The following MTCL3 variants were observed in gnomAD, a reference collection of about 807,000 sequenced individuals.
MTCL3 encodes the protein microtubule cross-linking factor 3.
At chr6:127,487,416 T>C in the MTCL3 span, among the ~76,000 whole-genome samples, 1 of 152,070 alleles carries the variant, frequency 6.6e-6, no homozygotes, top group Admixed American at 6.6e-5. Flanking sequence ...CTTAAATCAA[T>C]CTGTAAATAC....
the MTCL3 span, chr6:127,476,133 G>T: frequency 3.7e-6 from 6 of 1,614,168 alleles, no homozygotes; most frequent in Non-Finnish European, 5.1e-6. The surrounding 1 kb of genome is among the most constrained non-coding windows in gnomAD (Gnocchi z 4.4). Flanking sequence ...TGAGCGGGTT[G>T]GCCGAGCCGT....
chr6:127,475,754 C>A, the MTCL3 span: 2 of 1,603,036 alleles, frequency 1.2e-6, no homozygotes, highest in Non-Finnish European at 1.7e-6. This position sits in a 1 kb window ranked among gnomAD's most constrained non-coding sequence, Gnocchi z 7.3. Context: ...TCCTTCTTGC[C>A]CGCGTCGCTC....
chr6:127,514,885 G>C, the MTCL3 span: 4 of 1,614,130 alleles, frequency 2.5e-6, no homozygotes, highest in Non-Finnish European at 3.4e-6. Flanking sequence ...TGGGCGTAGC[G>C]GAGCCTTTTG....
chr6:127,494,882 C>T, the MTCL3 span, among the ~76,000 whole-genome samples: 33 of 152,098 alleles, frequency 2.2e-4, no homozygotes, highest in African/African-American at 7.2e-4. Flanking sequence ...GGATTTAAGA[C>T]TGGGATATTT....
At chr6:127,496,640 T>C in the MTCL3 span, among the ~76,000 whole-genome samples, 24 of 152,328 alleles carry the variant, frequency 1.6e-4, no homozygotes, top group African/African-American at 5.5e-4. Flanking sequence ...AGCAGCATTG[T>C]TCATAATAAC....
At chr6:127,499,088 G>A in the MTCL3 span, among the ~76,000 whole-genome samples, 1 of 152,048 alleles carries the variant, frequency 6.6e-6, no homozygotes, top group Non-Finnish European at 1.5e-5. Flanking sequence ...AGCTGTAAAA[G>A]TAAAATGCAT....
the MTCL3 span, among the ~76,000 whole-genome samples, chr6:127,492,186 A>T: frequency 0.011 from 1,656 of 152,318 alleles, 18 homozygotes; most frequent in Non-Finnish European, 0.019. Flanking sequence ...AAATACATGC[A>T]TGGACCTACC....
At chr6:127,517,717 A>G in the MTCL3 span, 11 of 152,316 alleles carry the variant, frequency 7.2e-5, no homozygotes, top group East Asian at 1.9e-4. Context: ...GGTAAGATCA[A>G]TTTCCAGTAT....
At chr6:127,516,165 T>C in the MTCL3 span, 4 of 1,438,450 alleles carry the variant, frequency 2.8e-6, no homozygotes, top group Non-Finnish European at 2.7e-6. Context: ...GCACGGACTC[T>C]AGCTCCCGAG....
chr6:127,499,484 A>T, the MTCL3 span, among the ~76,000 whole-genome samples: 2 of 152,250 alleles, frequency 1.3e-5, no homozygotes, highest in African/African-American at 4.8e-5. Flanking sequence ...AATACAAAGC[A>T]AAGAAAATGC....
the MTCL3 span, chr6:127,476,357 G>A: frequency 6.2e-7 from 1 of 1,614,180 alleles, no homozygotes; most frequent in Non-Finnish European, 8.5e-7. The surrounding 1 kb of genome is among the most constrained non-coding windows in gnomAD (Gnocchi z 4.4). Context: ...TACTTCTGGA[G>A]CTCGTGTTCA....
At chr6:127,479,015 TAAAAAA>T in the MTCL3 span, among the ~76,000 whole-genome samples, 3 of 52,332 alleles carry the variant, frequency 5.7e-5, no homozygotes, top group African/African-American at 1.5e-4. Context: ...AGACTCCATC[TAAAAAA>T]AAAAAAAAAA....
the MTCL3 span, among the ~76,000 whole-genome samples, chr6:127,502,020 A>T: frequency 6.6e-6 from 1 of 152,240 alleles, no homozygotes; most frequent in Non-Finnish European, 1.5e-5. Context: ...AGAACTGAGT[A>T]AATTATAATT....
chr6:127,514,988 C>A, the MTCL3 span: 1 of 1,614,178 alleles, frequency 6.2e-7, no homozygotes, highest in South Asian at 1.1e-5. Context: ...GACAGGCATC[C>A]TCCTCGAAGA....
chr6:127,515,949 A>C, the MTCL3 span: 1 of 1,606,952 alleles, frequency 6.2e-7, no homozygotes, highest in African/African-American at 1.3e-5. The surrounding 1 kb of genome is among the most constrained non-coding windows in gnomAD (Gnocchi z 4.3). Context: ...TTTTGCCCGC[A>C]GAAGAGGAGG....
chr6:127,516,795 G>A, the MTCL3 span: 1 of 1,082,068 alleles, frequency 9.2e-7, no homozygotes, highest in Non-Finnish European at 1.3e-6. Flanking sequence ...GCGCTTAATA[G>A]AAGCTTTGAC....
chr6:127,513,720 G>A, the MTCL3 span, among the ~76,000 whole-genome samples: 1 of 152,164 alleles, frequency 6.6e-6, no homozygotes, highest in Non-Finnish European at 1.5e-5. Context: ...CACAGGTTGT[G>A]ATTTTGGACT....
At chr6:127,514,964 C>G in the MTCL3 span, 4 of 1,614,174 alleles carry the variant, frequency 2.5e-6, no homozygotes, top group Non-Finnish European at 3.4e-6. Flanking sequence ...ACTCGTGGCG[C>G]ATTTCCTGCA....
the MTCL3 span, among the ~76,000 whole-genome samples, chr6:127,495,646 A>G: frequency 6.6e-6 from 1 of 152,202 alleles, no homozygotes; most frequent in Non-Finnish European, 1.5e-5. Flanking sequence ...ACACAATTAC[A>G]TATTTAAGAT....
Sources: allele counts gnomAD v4.1 joint callset (sites outside exome capture counted in the v4.1 genomes callset), GRCh38; gene constraint gnomAD v4.1.1; non-coding constraint Gnocchi (gnomAD v3.1); transcripts MANE v1.5; gene names NCBI Gene and HGNC (gene_info 2026-07-23, HGNC 2026-07-21).